Variants in DMD observed in about 807,000 individuals in gnomAD.
DMD encodes dystrophin.
Under a neutral mutation model 330.1 loss-of-function variants are expected in DMD, and 63 were observed. That is an observed-to-expected ratio of 0.19 (90% CI 0.16 to 0.24). The LOEUF (loss-of-function observed/expected upper bound fraction) is 0.24, where lower values mean the gene tolerates loss of function less well. Among genes scored for constraint, DMD ranks in the 10% least tolerant of loss-of-function variants. The pLI is 1.00. For synonymous variants in DMD, 1,223 were observed against 959.8 expected, an observed-to-expected ratio of 1.27 and a Z score of -5.07; for missense variants, 3,344 against 2,684.1, an observed-to-expected ratio of 1.25 and a Z score of -5.43.
rs779198715 is a variant in DMD, at chrX:32,695,850, A to T, written c.960+2020T>A. Among the ~76,000 whole-genome samples, 160 of 112,182 alleles carry T rather than the reference A, an allele frequency of 1.4e-3. 1 individual carries two copies. Among genetic ancestry groups the T allele is most frequent in the African/African-American group, 4.9e-3 (150 of 30,910 alleles). ...GAGTTTCATAAGCTAAAGAAGTTGG[A>T]AGAACAGAAAGAGCCAGGTAATGAA... On this transcript the variant is annotated intron_variant, in intron 9 of 78. Coordinates refer to ENST00000357033, the MANE Select transcript of DMD (RefSeq NM_004006.3).
chrX:32,601,074 C>A (rs767332214), intron 12 of DMD, among the ~76,000 whole-genome samples: 2 of 110,824 alleles, frequency 1.8e-5, no homozygotes, highest in Non-Finnish European at 3.8e-5. Flanking sequence ...TCCTCTATGC[C>A]CCATTCCTTC....
At chrX:32,474,204 TACATAC>T (rs2040972066) in intron 21 of DMD, among the ~76,000 whole-genome samples, 1 of 37,614 alleles carries the variant, frequency 2.7e-5, no homozygotes, top group African/African-American at 4.9e-5. Context: ...TATACATACA[TACATAC>T]ACACACACAC....
intron 1 of DMD, among the ~76,000 whole-genome samples, chrX:33,195,452 C>T (rs986378622): frequency 2.7e-5 from 3 of 111,429 alleles, no homozygotes; most frequent in Admixed American, 9.6e-5. Context: ...CTCACCTCTC[C>T]ACCACTTTGC....
At chrX:32,459,606 AT>A (rs772126760) in intron 25 of DMD, among the ~76,000 whole-genome samples, 9 of 111,254 alleles carry the variant, frequency 8.1e-5, no homozygotes, top group Non-Finnish European at 1.5e-4. Flanking sequence ...CTAGTAAGCT[AT>A]TCCATTTTGT....
At chrX:32,828,315 T>C (rs371310054) in intron 4 of DMD, among the ~76,000 whole-genome samples, 1 of 111,295 alleles carries the variant, frequency 9.0e-6, no homozygotes, top group East Asian at 2.8e-4. Flanking sequence ...CTTTCCACAA[T>C]GGCAGAATTG....
At chrX:32,804,704 A>G (rs1038372995) in intron 7 of DMD, among the ~76,000 whole-genome samples, 7 of 112,275 alleles carry the variant, frequency 6.2e-5, no homozygotes, top group Non-Finnish European at 1.3e-4. Flanking sequence ...AGGGGTCGAC[A>G]GACACATCAT....
At chrX:31,941,403 G>T (rs2094998517) in intron 45 of DMD, among the ~76,000 whole-genome samples, 2 of 111,257 alleles carry the variant, frequency 1.8e-5, no homozygotes, top group African/African-American at 6.5e-5. Context: ...TGAAAGTGTA[G>T]AAGTCATCCT....
rs1603450889 is a variant in DMD, at chrX:31,717,190, T to C, written c.7660+12441A>G. 3.6e-5 allele frequency among the ~76,000 whole-genome samples: 4 copies of C among 111,849 alleles called. No homozygotes were observed. In the East Asian group the frequency reaches 8.3e-4, roughly 23 times the overall value. On this transcript the variant is annotated intron_variant, in intron 52 of 78. Transcript: ENST00000357033. ...AGTATTACTCTTTTATGAGATACTTTAAAATCTGAATAAAGTTAGATTTTA... is the reference window on the plus strand; with the variant it reads ...AGTATTACTCTTTTATGAGATACTTCAAAATCTGAATAAAGTTAGATTTTA...
chrX:31,217,847 G>C (rs945088553), intron 64 of DMD, among the ~76,000 whole-genome samples: 11 of 112,036 alleles, frequency 9.8e-5, no homozygotes, highest in Non-Finnish European at 2.1e-4. Flanking sequence ...ACTTAATTTA[G>C]ATACATACAC....
intron 17 of DMD, among the ~76,000 whole-genome samples, chrX:32,518,879 T>C (rs978390002): frequency 4.5e-5 from 5 of 110,099 alleles, no homozygotes; most frequent in Non-Finnish European, 9.5e-5. Context: ...CAAAGGGCAC[T>C]GCCTACGTTG....
intron 1 of DMD, among the ~76,000 whole-genome samples, chrX:33,303,235 T>C (rs763226499): frequency 9.0e-6 from 1 of 111,679 alleles, no homozygotes; most frequent in Admixed American, 9.6e-5. Context: ...ATGTGCAGGG[T>C]TTTGTGTGGA....
At chrX:31,409,912 G>C (rs755737991) in intron 60 of DMD, among the ~76,000 whole-genome samples, 29 of 111,696 alleles carry the variant, frequency 2.6e-4, no homozygotes, top group Admixed American at 2.3e-3. Flanking sequence ...TCTGCCTTCC[G>C]GGTTCCAGAG....
At chrX:32,504,302 A>C (rs2044384137) in intron 18 of DMD, among the ~76,000 whole-genome samples, 1 of 112,074 alleles carries the variant, frequency 8.9e-6, no homozygotes, top group Non-Finnish European at 1.9e-5. Flanking sequence ...ATTCACTTTA[A>C]AATTTCAACA....
At chrX:32,429,938 C>G (rs2098231265) in intron 29 of DMD, among the ~76,000 whole-genome samples, 1 of 111,143 alleles carries the variant, frequency 9.0e-6, no homozygotes, top group African/African-American at 3.3e-5. Flanking sequence ...ACCTTTAAAA[C>G]TTATTTTTCT....
At chrX:32,305,440 A>C (rs1187134065) in intron 42 of DMD, among the ~76,000 whole-genome samples, 1 of 111,311 alleles carries the variant, frequency 9.0e-6, no homozygotes, top group Admixed American at 9.6e-5. Context: ...CTCAGCCCCA[A>C]GTCGGCCGAG....
At chrX:32,066,057 T>C (rs1479272123) in intron 44 of DMD, among the ~76,000 whole-genome samples, 1 of 111,701 alleles carries the variant, frequency 9.0e-6, no homozygotes, top group Non-Finnish European at 1.9e-5. Flanking sequence ...ATATTTTTCT[T>C]GCCATGTCCC....
At chrX:31,872,294 A>G (rs1319492875) in intron 48 of DMD, among the ~76,000 whole-genome samples, 2 of 111,206 alleles carry the variant, frequency 1.8e-5, no homozygotes, top group African/African-American at 6.5e-5. Context: ...GAAACTACAC[A>G]CAGCAGTGAG....
chrX:31,396,080 T>C lies in DMD; in HGVS notation c.9085-47446A>G, dbSNP rs1377610077. Among the ~76,000 whole-genome samples the C allele has an allele frequency of 4.5e-5, 5 of 111,346 alleles. No individual in the cohort carries two copies. In the Admixed American group the frequency reaches 4.8e-4, roughly 11 times the overall value. On this transcript the variant is annotated intron_variant, in intron 60 of 78. Coordinates refer to ENST00000357033, the MANE Select transcript of DMD (RefSeq NM_004006.3). ...TGCAAAACTGGAGAACATTGCATCC[T>C]GGATATAGGTATATTCTGATACTCT... is the stretch of plus-strand genomic sequence containing the variant.
rs1050628751 is a variant in DMD at position 32,598,139 on chromosome X, A to G, written c.1483-2263T>C. On this transcript the variant is annotated intron_variant, in intron 12 of 78. Transcript: ENST00000357033. Reference sequence around the variant, plus strand: ...CCTCAACATTTTAGAACACTATAAAATCACTTCTTTTTACTTCGTCTCTCT... The same window carrying G: ...CCTCAACATTTTAGAACACTATAAAGTCACTTCTTTTTACTTCGTCTCTCT... Among the ~76,000 whole-genome samples, 33 of 112,380 alleles carry G rather than the reference A, an allele frequency of 2.9e-4. 1 individual carries two copies. Among genetic ancestry groups the G allele is most frequent in the Admixed American group, 2.8e-3 (30 of 10,579 alleles).
Sources: allele counts gnomAD v4.1 joint callset (sites outside exome capture counted in the v4.1 genomes callset), GRCh38; gene constraint gnomAD v4.1.1; transcripts MANE v1.5; gene names NCBI Gene and HGNC (gene_info 2026-07-23, HGNC 2026-07-21).